The following CALN1 variants were observed in gnomAD, a reference collection of about 807,000 sequenced individuals.
CALN1 encodes calcium-binding protein 8.
A neutral mutation model predicts 30.6 loss-of-function variants in CALN1; 17 were observed. That is an observed-to-expected ratio of 0.56 (90% CI 0.38 to 0.83). CALN1 has a LOEUF of 0.83. Ranked by LOEUF, CALN1 falls within the 40% of genes least tolerant of loss-of-function variation. The pLI is 0.00. For missense variants in CALN1, 291 were observed against 354.9 expected (o/e 0.82, Z 1.45); for synonymous variants, 156 against 131.4 (o/e 1.19, Z -1.28).
chr7:72,358,895 T>C (rs1271142954), intron 2 of CALN1, among the ~76,000 whole-genome samples: 2 of 151,486 alleles, frequency 1.3e-5, no homozygotes, highest in Non-Finnish European at 2.9e-5. Flanking sequence ...GAGGCGGAGG[T>C]TGCAGTGAGG....
chr7:72,386,666 C>T (rs1287881776), intron 2 of CALN1, among the ~76,000 whole-genome samples: 1 of 152,058 alleles, frequency 6.6e-6, no homozygotes, highest in Non-Finnish European at 1.5e-5. Flanking sequence ...GATGGGTTAT[C>T]ACTCTTTCAC....
chr7:71,968,048 A>G (rs1797615470), intron 5 of CALN1, among the ~76,000 whole-genome samples: 1 of 152,174 alleles, frequency 6.6e-6, no homozygotes, highest in East Asian at 1.9e-4. Context: ...TACTTGAGAG[A>G]AATGAAAATA....
rs1227780626 is a variant in CALN1, at chr7:71,888,716, G to A, written c.502-78224C>T. Among the ~76,000 whole-genome samples the A allele has an allele frequency of 2.0e-5, 3 of 151,970 alleles. No individual in the cohort carries two copies. In the East Asian group the frequency reaches 5.8e-4, roughly 29 times the overall value. ...GGTAGGTCGGTGGTTAACAATCACA[G>A]GCAGAGTTCGGAGCTGGTAGTGAGG... On this transcript the variant is annotated intron_variant, in intron 5 of 6. Coordinates refer to ENST00000395275, the MANE Select transcript of CALN1 (RefSeq NM_031468.4).
chr7:71,910,215 T>G (rs1005819858), intron 5 of CALN1, among the ~76,000 whole-genome samples: 1 of 152,214 alleles, frequency 6.6e-6, no homozygotes, highest in Non-Finnish European at 1.5e-5. Context: ...TATCATCTTA[T>G]GATGCTGCCA....
rs573906592 is a variant in CALN1 at position 72,316,389 on chromosome 7, G to A, written c.120-37579C>T. 2.0e-5 allele frequency among the ~76,000 whole-genome samples: 3 copies of A among 150,124 alleles called. No homozygotes were observed. In the South Asian group the frequency reaches 6.7e-4, roughly 33 times the overall value. On this transcript the variant is annotated intron_variant, in intron 2 of 6. Coordinates refer to ENST00000395275, the MANE Select transcript of CALN1 (RefSeq NM_031468.4). ...ATTACTTTTGCACCAACTTAACACA[G>A]AAACATTCACAGGATATTAAGTGAA... is the stretch of plus-strand genomic sequence containing the variant.
At chr7:71,949,020 G>A (rs1796551513) in intron 5 of CALN1, among the ~76,000 whole-genome samples, 1 of 121,168 alleles carries the variant, frequency 8.3e-6, no homozygotes, top group East Asian at 2.9e-4. Context: ...TCCAGCCTGA[G>A]TCACACAGCA....
chr7:72,134,741 T>C (rs1344885733), intron 3 of CALN1, among the ~76,000 whole-genome samples: 1 of 152,188 alleles, frequency 6.6e-6, no homozygotes, highest in Non-Finnish European at 1.5e-5. Context: ...GGCAATTTCT[T>C]AAAATAAGAC....
At chr7:71,794,045 T>C (rs1786740451) in intron 6 of CALN1, among the ~76,000 whole-genome samples, 1 of 152,146 alleles carries the variant, frequency 6.6e-6, no homozygotes, top group Admixed American at 6.5e-5. Flanking sequence ...GGTACTGCGT[T>C]AAGTGCTTTT....
intron 4 of CALN1, among the ~76,000 whole-genome samples, chr7:72,080,383 G>C (rs922053414): frequency 6.6e-6 from 1 of 152,210 alleles, no homozygotes; most frequent in Non-Finnish European, 1.5e-5. Flanking sequence ...CCGTGTCACA[G>C]GGATTGATTT....
rs151102171 is a variant in CALN1, at chr7:72,298,180, A to G, written c.120-19370T>C. 6.6e-5 allele frequency among the ~76,000 whole-genome samples: 10 copies of G among 152,332 alleles called. No homozygotes were observed. The East Asian group carries it at 1.5e-3, about 23-fold the overall frequency. On this transcript the variant is annotated intron_variant, in intron 2 of 6. Coordinates refer to ENST00000395275, the MANE Select transcript of CALN1 (RefSeq NM_031468.4). ...TGTGTATGGCCAACAACATCCCACC[A>G]TCTCAGAAAAGACCAGAAAGTGTAG...
intron 4 of CALN1, among the ~76,000 whole-genome samples, chr7:72,101,168 G>C (rs1455663334): frequency 6.6e-6 from 1 of 152,102 alleles, no homozygotes; most frequent in Non-Finnish European, 1.5e-5. Flanking sequence ...ATTTCACTAT[G>C]TTGGTGAGGC....
chr7:72,003,113 A>G (rs1799607815), intron 5 of CALN1, among the ~76,000 whole-genome samples: 1 of 152,224 alleles, frequency 6.6e-6, no homozygotes, highest in South Asian at 2.1e-4. Flanking sequence ...CAATGTATAC[A>G]GATATCAAAA....
chr7:72,173,294 G>A (rs191208879), intron 3 of CALN1, among the ~76,000 whole-genome samples: 7 of 151,976 alleles, frequency 4.6e-5, no homozygotes, highest in South Asian at 2.1e-4. Flanking sequence ...ATAATTTAAC[G>A]TTATTTGGGC....
chr7:72,088,830 C>A (rs1805664513), intron 4 of CALN1, among the ~76,000 whole-genome samples: 1 of 151,312 alleles, frequency 6.6e-6, no homozygotes, highest in African/African-American at 2.4e-5. Flanking sequence ...TTATCTAACC[C>A]ATTTGTTTAT....
chr7:72,318,159 G>T (rs1001159871), intron 2 of CALN1, among the ~76,000 whole-genome samples: 1 of 152,128 alleles, frequency 6.6e-6, no homozygotes, highest in Non-Finnish European at 1.5e-5. Flanking sequence ...GAATTATTTG[G>T]TTTCAATGCA....
chr7:72,251,829 G>T (rs147038779), intron 3 of CALN1, among the ~76,000 whole-genome samples: 2 of 152,110 alleles, frequency 1.3e-5, no homozygotes, highest in African/African-American at 4.8e-5. Flanking sequence ...CCATAGATTT[G>T]CAAGACATTA....
chr7:72,269,482 C>A (rs1796830848), intron 3 of CALN1, among the ~76,000 whole-genome samples: 1 of 152,024 alleles, frequency 6.6e-6, no homozygotes, highest in Admixed American at 6.6e-5. Context: ...AAGACTTAAC[C>A]AGGAAGCAGC....
intron 2 of CALN1, among the ~76,000 whole-genome samples, chr7:72,387,254 GAGGA>G (rs1168362577): frequency 0.038 from 1,070 of 28,284 alleles, 91 homozygotes; most frequent in African/African-American, 0.12. Context: ...GGGAGGGAGG[GAGGA>G]AGGGAGGAAG....
chr7:72,170,526 G>A (rs774243261), intron 3 of CALN1, among the ~76,000 whole-genome samples: 4 of 152,246 alleles, frequency 2.6e-5, no homozygotes, highest in South Asian at 2.1e-4. Context: ...GGTTAAAGTC[G>A]CAGGAATTTC....
Sources: gnomAD v4.1 joint callset for allele counts (sites outside exome capture counted in the v4.1 genomes callset) on GRCh38, gnomAD v4.1.1 for gene constraint, MANE v1.5 for transcripts, NCBI Gene and HGNC (gene_info 2026-07-23, HGNC 2026-07-21) for gene names.